CCDC33: variants seen among roughly 807,000 people sequenced by gnomAD.
The protein encoded by CCDC33 is coiled-coil domain-containing protein 33.
Under a neutral mutation model 91.9 loss-of-function variants are expected in CCDC33, and 94 were observed. The observed-to-expected ratio is 1.02, with a 90% confidence interval of 0.87 to 1.21. The LOEUF (loss-of-function observed/expected upper bound fraction) is 1.21, where lower values mean the gene tolerates loss of function less well. Among genes scored for constraint, CCDC33 ranks in the 50% most tolerant of loss-of-function variants. The pLI is 0.00. For missense variants in CCDC33, 940 were observed against 935.5 expected (o/e 1.00, Z -0.06); for synonymous variants, 396 against 374.5 (o/e 1.06, Z -0.66).
intron 4 of CCDC33, among the ~76,000 whole-genome samples, chr15:74,267,511 G>T (rs867498920): frequency 2.6e-5 from 4 of 151,006 alleles, no homozygotes; most frequent in South Asian, 2.1e-4. Context: ...TGAAGGGTAA[G>T]GGGTAGAATT....
chr15:74,224,262 C>T (rs2074713659), intron 2 of CCDC33, among the ~76,000 whole-genome samples: 1 of 152,094 alleles, frequency 6.6e-6, no homozygotes, highest in Non-Finnish European at 1.5e-5. Flanking sequence ...GGGCTAAATA[C>T]ATCGTGATCA....
intron 11 of CCDC33, among the ~76,000 whole-genome samples, chr15:74,319,289 C>T (rs1037385795): frequency 2.0e-5 from 3 of 152,206 alleles, no homozygotes; most frequent in Non-Finnish European, 2.9e-5. Flanking sequence ...TCGGGTCGTT[C>T]GACAGCTGTG....
At chr15:74,286,241 G>A (rs1042845295) in intron 10 of CCDC33, among the ~76,000 whole-genome samples, 3 of 152,098 alleles carry the variant, frequency 2.0e-5, no homozygotes, top group Non-Finnish European at 2.9e-5. Flanking sequence ...GCAAGACTGT[G>A]TCTCAAAAAC....
chr15:74,258,304 C>T (rs889239756), intron 2 of CCDC33, among the ~76,000 whole-genome samples: 5 of 152,196 alleles, frequency 3.3e-5, no homozygotes, highest in Admixed American at 6.5e-5. Flanking sequence ...GCAGCCACAG[C>T]AGATCTGAGT....
intron 2 of CCDC33, chr15:74,209,556 A>C (rs2074337402): frequency 1.1e-6 from 1 of 941,236 alleles, no homozygotes; most frequent in Admixed American, 2.7e-5. Flanking sequence ...TCCCAGGGGA[A>C]GTGAAAAAGG....
rs1477734658 is a variant in CCDC33 at position 74,331,069 on chromosome 15, A to G, written c.1634A>G (p.Gln545Arg). The G allele has an allele frequency of 1.2e-5, 19 of 1,613,686 alleles. No individual in the cohort carries two copies. Among genetic ancestry groups the G allele is most frequent in the Non-Finnish European group, 1.5e-5 (18 of 1,179,770 alleles). ...ALLKQYQGKL[Q>R]KMKALEETVR... is the part of the protein sequence containing the mutation. ...CTGAAGCAGTACCAGGGCAAGCTGC[A>G]GAAGATGAAGGCGCTGGAGGAGACT... The change falls in exon 14 of 19, where the codon CAG becomes CGG. Residue 545 changes from glutamine (Q) to arginine (R), a missense_variant. Physicochemically the swap from Gln to Arg is conservative, Grantham distance 43. Coordinates refer to ENST00000398814, the MANE Select transcript of CCDC33 (RefSeq NM_025055.5).
intron 1 of CCDC33, chr15:74,207,800 T>A (rs1323732618): frequency 6.5e-7 from 1 of 1,534,664 alleles, no homozygotes; most frequent in East Asian, 2.5e-5. Context: ...CACAGCACAC[T>A]CACACACACA....
chr15:74,331,340 C>A, intron 15 of CCDC33, 44 bp downstream of exon 15: 1 of 1,595,624 alleles, frequency 6.3e-7, no homozygotes. Context: ...GCTTCTGCTC[C>A]ACCCCTGGAG....
Position 74,332,730 on chromosome 15 carries a change from A to G in CCDC33, c.1823A>G (p.Asn608Ser). The change falls in exon 16 of 19, where the codon AAC becomes AGC. Residue 608 changes from asparagine (N) to serine (S), a missense_variant. Coordinates refer to ENST00000398814, the MANE Select transcript of CCDC33 (RefSeq NM_025055.5). ...CTTCCCTTGGGTTCTATGGGAGAGA[A>G]CCTGCCGGTTGAACTTTACTCGGTG... is the stretch of plus-strand genomic sequence containing the variant. ...SGLPLGSMGE[N>S]LPVELYSVLL... 1.9e-6 allele frequency: 3 copies of G among 1,614,130 alleles called. No individual in the cohort carries two copies. The highest frequency in any genetic ancestry group is 2.5e-6 in the Non-Finnish European group (3 of 1,180,006).
At chr15:74,319,101 C>T (rs967373384) in intron 11 of CCDC33, among the ~76,000 whole-genome samples, 1 of 152,228 alleles carries the variant, frequency 6.6e-6, no homozygotes, top group Non-Finnish European at 1.5e-5. Flanking sequence ...CCAGTGGAAG[C>T]AGCAGCTCAG....
chr15:74,285,063 C>T lies in CCDC33; in HGVS notation c.1095+3214C>T, dbSNP rs546240157. Among the ~76,000 whole-genome samples, 3 of 152,392 alleles carry T rather than the reference C, an allele frequency of 2.0e-5. No individual in the cohort carries two copies. In the South Asian group the frequency reaches 6.2e-4, roughly 32 times the overall value. On this transcript the variant is annotated intron_variant, in intron 10 of 18. Transcript: ENST00000398814. Reference sequence around the variant, plus strand: ...CTCTCAGGCCCCTCGTTCACATGGTCAACAACTCCATCCTAGGGGTAGCTC... The same window carrying T: ...CTCTCAGGCCCCTCGTTCACATGGTTAACAACTCCATCCTAGGGGTAGCTC...
chr15:74,291,458 C>G (rs1487369681), intron 10 of CCDC33, among the ~76,000 whole-genome samples: 1 of 152,248 alleles, frequency 6.6e-6, no homozygotes, highest in Non-Finnish European at 1.5e-5. Context: ...ACCTAATGAG[C>G]GGGATACAGG....
chr15:74,271,479 G>C (rs112269864), intron 5 of CCDC33, among the ~76,000 whole-genome samples: 32 of 152,278 alleles, frequency 2.1e-4, no homozygotes, highest in African/African-American at 7.5e-4. Flanking sequence ...GACAGAAAGC[G>C]GGAGCAGTTG....
chr15:74,246,739 A>G (rs1375095265), intron 2 of CCDC33, among the ~76,000 whole-genome samples: 1 of 152,244 alleles, frequency 6.6e-6, no homozygotes, highest in Non-Finnish European at 1.5e-5. Flanking sequence ...AAAATGGTGC[A>G]GCCATTATGG....
intron 10 of CCDC33, among the ~76,000 whole-genome samples, chr15:74,290,249 C>T (rs1481309612): frequency 6.6e-6 from 1 of 151,286 alleles, no homozygotes. Flanking sequence ...ATGATCTCGG[C>T]TCACTTCAAC....
chr15:74,324,631 C>T (rs966202009), intron 11 of CCDC33, among the ~76,000 whole-genome samples: 15 of 151,738 alleles, frequency 9.9e-5, no homozygotes, highest in Admixed American at 7.2e-4. Context: ...AGTTGCCAGA[C>T]GCTGAAAATC....
rs2060474977 is a variant in CCDC33 at position 74,333,066 on chromosome 15, A to G, written c.1938+221A>G. ...CTTTAACCTCATCTAGCATCCCAGG[A>G]GAAAGCAAGCCCCTTGTTGACCCTT... On this transcript the variant is annotated intron_variant, in intron 16 of 18. Transcript: ENST00000398814. The G allele has an allele frequency of 9.1e-6, 7 of 767,172 alleles. No homozygotes were observed. In the East Asian group the frequency reaches 1.9e-4, roughly 21 times the overall value. 47.5% of individuals were successfully genotyped at this position (767,172 alleles called of 1,614,324 possible).
chr15:74,219,534 G>A (rs570227288), intron 2 of CCDC33, among the ~76,000 whole-genome samples: 3 of 152,256 alleles, frequency 2.0e-5, no homozygotes, highest in Non-Finnish European at 4.4e-5. Context: ...CTAAGCTCAG[G>A]GTGTCGCCTG....
intron 2 of CCDC33, among the ~76,000 whole-genome samples, chr15:74,246,296 A>G (rs1476481584): frequency 2.0e-5 from 3 of 152,250 alleles, no homozygotes; most frequent in Non-Finnish European, 2.9e-5. Flanking sequence ...CCGGAAGTAC[A>G]GGCAACAGAA....
Sources: allele counts gnomAD v4.1 joint callset (sites outside exome capture counted in the v4.1 genomes callset), GRCh38; gene constraint gnomAD v4.1.1; transcripts MANE v1.5; gene names NCBI Gene and HGNC (gene_info 2026-07-23, HGNC 2026-07-21).